The following GSPT1 variants were observed in gnomAD, a reference collection of about 807,000 sequenced individuals.
GSPT1 encodes the protein G1 to S phase transition 1, also known as eukaryotic peptide chain release factor GTP-binding subunit ERF3A.
Under a neutral mutation model 72.5 loss-of-function variants are expected in GSPT1, and 20 were observed. The observed-to-expected ratio is 0.28, with a 90% CI of 0.19 to 0.40. The LOEUF (loss-of-function observed/expected upper bound fraction) is 0.40. GSPT1 is among the 10% of genes least tolerant of loss of function. GSPT1 has a pLI of 1.00. For missense variants in GSPT1, 580 were observed against 811.9 expected (o/e 0.71, Z 3.47); for synonymous variants, 334 against 293.5 (o/e 1.14, Z -1.41).
chr16:11,894,993 A>G lies in GSPT1; in HGVS notation c.665-6T>C, dbSNP rs2054315947. The G allele has an allele frequency of 6.3e-7, 1 of 1,584,422 alleles. No individual in the cohort carries two copies. The highest frequency in any genetic ancestry group is 8.6e-7 in the Non-Finnish European group (1 of 1,159,380). On this transcript the variant is annotated splice_polypyrimidine_tract_variant and splice_region_variant and intron_variant, in intron 4 of 14. Transcript: ENST00000434724. ...AATGGTTGACTTGCCAGCATCTAAA[A>G]GTAACATCAACATGCAAACCATAGG...
At chr16:11,890,905 G>A (rs2054250598) in intron 6 of GSPT1, 157 bp downstream of exon 6, 1 of 496,630 alleles carries the variant, frequency 2.0e-6, no homozygotes, top group Non-Finnish European at 3.6e-6. Flanking sequence ...AAAGCATTAG[G>A]AACTCATCTA....
rs546313160 is a variant in GSPT1 at position 11,911,959 on chromosome 16, T to C, written c.352+3410A>G. On this transcript the variant is annotated intron_variant, in intron 1 of 14. Transcript: ENST00000434724. ...CCTCTCACCTCAGCCTCCCAGAGTGTTGGGTTTATAAGTGTGAGCCAATGC... is the reference window on the plus strand; with the variant it reads ...CCTCTCACCTCAGCCTCCCAGAGTGCTGGGTTTATAAGTGTGAGCCAATGC... 8.2e-4 allele frequency among the ~76,000 whole-genome samples: 111 copies of C among 134,898 alleles called. 1 individual carries two copies. The highest frequency in any genetic ancestry group is 2.7e-3 in the African/African-American group (99 of 36,074). 88.5% of individuals were successfully genotyped at this position (134,898 alleles called of 152,430 possible).
rs145953219 is a variant in GSPT1, at chr16:11,869,634, C to A, written c.*3485G>T. On this transcript the variant is annotated 3_prime_UTR_variant, in exon 15 of 15. Coordinates refer to ENST00000434724, the MANE Select transcript of GSPT1 (RefSeq NM_002094.4). ...ACCTGTAATAAAACTGCGTATTTTCCCCTTGACTACCTTAAATCCCTACCC... is the reference window on the plus strand; with the variant it reads ...ACCTGTAATAAAACTGCGTATTTTCACCTTGACTACCTTAAATCCCTACCC... 1 of 152,274 alleles carries A rather than the reference C, an allele frequency of 6.6e-6. No homozygotes were observed. The highest frequency in any genetic ancestry group is 1.9e-4 in the East Asian group (1 of 5,188). 9.4% of individuals were successfully genotyped at this position (152,274 alleles called of 1,614,324 possible).
chr16:11,910,224 G>T (rs2054541101), intron 1 of GSPT1, among the ~76,000 whole-genome samples: 1 of 152,220 alleles, frequency 6.6e-6, no homozygotes, highest in Non-Finnish European at 1.5e-5. Context: ...ACAGTGAGCA[G>T]ATAATAGATA....
intron 1 of GSPT1, among the ~76,000 whole-genome samples, chr16:11,900,671 G>A (rs140499166): frequency 1.2e-4 from 18 of 152,218 alleles, no homozygotes; most frequent in Non-Finnish European, 2.4e-4. Context: ...AAGCTCTGAC[G>A]GACACACAGT....
chr16:11,889,711 G>A (rs1159758844), intron 6 of GSPT1, among the ~76,000 whole-genome samples: 1 of 151,748 alleles, frequency 6.6e-6, no homozygotes, highest in Non-Finnish European at 1.5e-5. Flanking sequence ...TCTCCATGTT[G>A]GTCAGGCTGG....
intron 6 of GSPT1, among the ~76,000 whole-genome samples, chr16:11,890,216 T>C (rs1408319734): frequency 6.6e-6 from 1 of 152,106 alleles, no homozygotes; most frequent in African/African-American, 2.4e-5. Flanking sequence ...CGTCTTGGCC[T>C]CCCAAAGTGC....
intron 11 of GSPT1, chr16:11,882,500 A>T: frequency 6.5e-6 from 1 of 152,964 alleles, no homozygotes; most frequent in Non-Finnish European, 1.5e-5. Context: ...CTCTGCCTGG[A>T]GTTAGCATGG....
upstream of GSPT1, among the ~76,000 whole-genome samples, chr16:11,916,579 C>A (rs2054640070): frequency 6.6e-6 from 1 of 152,212 alleles, no homozygotes; most frequent in South Asian, 2.1e-4. Context: ...GATTGCAAAG[C>A]TGATTTCATT....
intron 10 of GSPT1, among the ~76,000 whole-genome samples, chr16:11,884,072 A>G (rs931427969): frequency 7.2e-5 from 11 of 152,362 alleles, no homozygotes; most frequent in African/African-American, 2.4e-4. Flanking sequence ...GGAGCTAATT[A>G]AAGAATAATG....
chr16:11,891,155 G>C lies in GSPT1; in HGVS notation c.699-16C>G. The C allele has an allele frequency of 8.7e-7, 1 of 1,154,060 alleles. No individual in the cohort carries two copies. Among genetic ancestry groups the C allele is most frequent in the South Asian group, 1.8e-5 (1 of 55,016 alleles). The allele number at this position is 1,154,060 out of a possible 1,614,324, so 71.5% of individuals were successfully genotyped here. A position where few individuals can be genotyped will look rare whatever the true frequency, so the allele number is the denominator to read the frequency against. ...AGTCAAATACCTGAAAACATTTAAA[G>C]AAAAAAAAAAGTAAACAATTACTCA... On this transcript the variant is annotated splice_polypyrimidine_tract_variant and intron_variant, in intron 5 of 14. Transcript: ENST00000434724.
chr16:11,895,464 T>A (rs1567444968), intron 4 of GSPT1: 1 of 151,982 alleles, frequency 6.6e-6, no homozygotes, highest in Non-Finnish European at 1.5e-5. Context: ...TAAAAACACT[T>A]TACTGATAAA....
Position 11,915,407 on chromosome 16 carries a change from T to C in GSPT1, c.314A>G (p.Asn105Ser), listed in dbSNP as rs757339547. The change falls in exon 1 of 15, where the codon AAT becomes AGT. Residue 105 changes from asparagine (N) to serine (S), a missense_variant. By Grantham distance (46) the Asn-to-Ser change is conservative. Around this residue, in one of 6 missense-constraint regions of GSPT1, gnomAD observed 327 missense variants for 298.8 expected, o/e 1.09. Transcript: ENST00000434724. ...CGCGCCGCTGCCGGCTCCGTGGTTA[T>C]TGGCGGCGCCGCCAACTGGGGGTGG... ...APPPPVGGAA[N>S]NHGAGSGAGG... The C allele has an allele frequency of 2.0e-6, 3 of 1,507,176 alleles. No homozygotes were observed. The highest frequency in any genetic ancestry group is 2.6e-6 in the Non-Finnish European group (3 of 1,132,270). 93.4% of individuals were successfully genotyped at this position (1,507,176 alleles called of 1,614,324 possible). A position where few individuals can be genotyped will look rare whatever the true frequency, so the allele number is the denominator to read the frequency against.
At position 11,899,091 on chromosome 16, in the gene GSPT1, G is replaced by A. The variant is rs139192758; in HGVS notation, c.353-1056C>T. Among the ~76,000 whole-genome samples, 857 of 152,164 alleles carry A rather than the reference G, an allele frequency of 5.6e-3. 6 individuals are homozygous for A. Among genetic ancestry groups the A allele is most frequent in the Non-Finnish European group, 8.4e-3 (574 of 68,024 alleles). On this transcript the variant is annotated intron_variant, in intron 1 of 14. Coordinates refer to ENST00000434724, the MANE Select transcript of GSPT1 (RefSeq NM_002094.4). ...ACCTAAATTATACTCCAATATGAAC[G>A]TGCCCCTGCTTTAAAGAATCTCCAC...
At chr16:11,887,178 T>C (rs1365576251) in intron 7 of GSPT1, among the ~76,000 whole-genome samples, 1 of 152,152 alleles carries the variant, frequency 6.6e-6, no homozygotes, top group African/African-American at 2.4e-5. Context: ...ATTTACTTTC[T>C]AGCTATTGTA....
chr16:11,893,215 C>T (rs111910669), intron 5 of GSPT1, among the ~76,000 whole-genome samples: 5 of 151,910 alleles, frequency 3.3e-5, no homozygotes, highest in African/African-American at 7.3e-5. Context: ...CGCTATCATC[C>T]TCCCCCCTAT....
chr16:11,910,593 C>T (rs11075032), intron 1 of GSPT1, among the ~76,000 whole-genome samples: 65,441 of 151,948 alleles, frequency 0.43, 16,894 homozygotes, highest in Non-Finnish European at 0.59. Context: ...TTTTTCATTC[C>T]TTTCTCTTCA....
intron 5 of GSPT1, among the ~76,000 whole-genome samples, chr16:11,892,516 A>AAAATAAT (rs1555504693): frequency 1.4e-5 from 2 of 140,912 alleles, no homozygotes; most frequent in African/African-American, 2.8e-5. Context: ...CAAAAAAACA[A>AAAATAAT]AAAAAACAAA....
At chr16:11,892,995 A>G (rs2054289006) in intron 5 of GSPT1, among the ~76,000 whole-genome samples, 1 of 152,182 alleles carries the variant, frequency 6.6e-6, no homozygotes, top group Non-Finnish European at 1.5e-5. Context: ...ACATCAGGGC[A>G]GGATGAATGA....
Sources: allele counts gnomAD v4.1 joint callset (sites outside exome capture counted in the v4.1 genomes callset), GRCh38; gene constraint gnomAD v4.1.1; regional missense constraint gnomAD v4.1.1; transcripts MANE v1.5; gene names NCBI Gene and HGNC (gene_info 2026-07-23, HGNC 2026-07-21).